Variants in IL1RAP observed in about 807,000 individuals in gnomAD.
The protein encoded by IL1RAP is interleukin-1 receptor accessory protein.
Under a neutral mutation model 60.7 loss-of-function variants are expected in IL1RAP, and 35 were observed. That is an observed-to-expected ratio of 0.58 (90% CI 0.44 to 0.76). The LOEUF (loss-of-function observed/expected upper bound fraction) is 0.76, where lower values mean the gene tolerates loss of function less well. IL1RAP is among the 30% of genes least tolerant of loss of function. The probability of loss-of-function intolerance (pLI) is 0.00; values close to 1 mark genes in which losing one functional copy is unlikely to be tolerated. For synonymous variants in IL1RAP, 268 were observed against 250.9 expected (o/e 1.07, Z -0.64); for missense variants, 572 against 693.9 (o/e 0.82, Z 1.97).
At chr3:190,620,550 T>C in intron 6 of IL1RAP, 110 bp downstream of exon 6, 1 of 987,876 alleles carries the variant, frequency 1.0e-6, no homozygotes, top group Non-Finnish European at 1.5e-6. Context: ...AAGTGATTCA[T>C]GTTTTTTGTT....
intron 3 of IL1RAP, among the ~76,000 whole-genome samples, chr3:190,571,807 T>G (rs1726952042): frequency 6.6e-6 from 1 of 152,156 alleles, no homozygotes; most frequent in Admixed American, 6.5e-5. Context: ...CAACACAAAT[T>G]TTGAAACTTT....
At chr3:190,514,285 T>C (rs1012585930) in intron 1 of IL1RAP, 66 bp downstream of exon 1, 3 of 152,088 alleles carry the variant, frequency 2.0e-5, no homozygotes, top group Non-Finnish European at 4.4e-5. Context: ...GTAGACGGAT[T>C]CTTAGAGATC....
At chr3:190,590,093 A>G (rs891879637) in intron 3 of IL1RAP, among the ~76,000 whole-genome samples, 4 of 152,186 alleles carry the variant, frequency 2.6e-5, no homozygotes, top group Non-Finnish European at 5.9e-5. Flanking sequence ...ATTCATATTA[A>G]GTTCTTACTG....
At chr3:190,656,227 C>A (rs548561781), downstream of IL1RAP, 3 of 1,537,208 alleles carry the variant, frequency 2.0e-6, no homozygotes, top group Non-Finnish European at 2.6e-6. Context: ...CTGCTCTTCC[C>A]AGTCTGACAT....
intron 9 of IL1RAP, among the ~76,000 whole-genome samples, chr3:190,640,240 G>A (rs773325262): frequency 9.2e-5 from 14 of 152,122 alleles, no homozygotes; most frequent in Admixed American, 4.6e-4. Flanking sequence ...CAGAGTGATC[G>A]TAGCATTTAC....
Position 190,644,326 on chromosome 3 carries a change from T to G in IL1RAP, c.1130T>G (p.Val377Gly). The G allele has an allele frequency of 6.2e-7, 1 of 1,614,068 alleles. No homozygotes were observed. Among genetic ancestry groups the G allele is most frequent in the Non-Finnish European group, 8.5e-7 (1 of 1,179,942 alleles). ...CTGCTAGTGGTGATTCTCATTGTTG[T>G]TTACCATGTTTACTGGCTAGAGATG... ...TVLLVVILIV[V>G]YHVYWLEMVL... The change falls in exon 10 of 12, where the codon GTT becomes GGT. Residue 377 changes from valine (V) to glycine (G), a missense_variant. Coordinates refer to ENST00000447382, the MANE Select transcript of IL1RAP (RefSeq NM_002182.4).
exon 12 of IL1RAP, chr3:190,656,988 G>T (rs543278733): frequency 1.9e-5 from 3 of 158,956 alleles, no homozygotes; most frequent in African/African-American, 7.2e-5. Flanking sequence ...TGCTTACAGG[G>T]TGTATGCATT....
rs1412103985 is a variant in IL1RAP at position 190,620,353 on chromosome 3, A to C, written c.616A>C (p.Asn206His). 18 of 1,611,296 alleles carry C rather than the reference A, an allele frequency of 1.1e-5. No homozygotes were observed. The highest frequency in any genetic ancestry group is 1.7e-4 in the Middle Eastern group (1 of 6,050). Residue 206 changes from asparagine to histidine, a missense_variant, in exon 6 of 12, where the codon AAT (asparagine) becomes CAT (histidine). Physicochemically the swap from Asn to His is moderately conservative, Grantham distance 68 (BLOSUM62 1). Coordinates refer to ENST00000447382, the MANE Select transcript of IL1RAP (RefSeq NM_002182.4). Reference protein sequence around the residue: ...NLSFLIALISNNGNYTCVVTY... With the variant: ...NLSFLIALISHNGNYTCVVTY... ...GAGTTTCCTCATTGCCTTAATTTCAAATAATGGAAATTACACATGTGTTGT... is the reference window on the plus strand; with the variant it reads ...GAGTTTCCTCATTGCCTTAATTTCACATAATGGAAATTACACATGTGTTGT...
At chr3:190,638,427 G>A (rs1391176797) in intron 9 of IL1RAP, among the ~76,000 whole-genome samples, 2 of 152,060 alleles carry the variant, frequency 1.3e-5, no homozygotes, top group African/African-American at 2.4e-5. Flanking sequence ...TGATGTGACT[G>A]TTCAAACATT....
At position 190,548,342 on chromosome 3, in the gene IL1RAP, T is replaced by C. The variant is rs150358628; in HGVS notation, c.-88-7788T>C. On this transcript the variant is annotated intron_variant, in intron 1 of 11. Transcript: ENST00000447382. Reference sequence around the variant, plus strand: ...TTTCACCATTTATTAAGCTTTATCATAAACATGATCTATTGTGATCCTTAT... The same window carrying C: ...TTTCACCATTTATTAAGCTTTATCACAAACATGATCTATTGTGATCCTTAT... Among the ~76,000 whole-genome samples, 331 of 152,320 alleles carry C rather than the reference T, an allele frequency of 2.2e-3. 1 individual carries two copies. Among genetic ancestry groups the C allele is most frequent in the African/African-American group, 7.5e-3 (313 of 41,578 alleles).
intron 3 of IL1RAP, among the ~76,000 whole-genome samples, chr3:190,595,085 C>G (rs922005111): frequency 1.3e-5 from 2 of 151,694 alleles, no homozygotes; most frequent in African/African-American, 2.4e-5. Context: ...TCACTCATCA[C>G]CTTTCAACAT....
intron 1 of IL1RAP, among the ~76,000 whole-genome samples, chr3:190,529,643 C>G (rs1443287556): frequency 6.9e-6 from 1 of 144,640 alleles, no homozygotes; most frequent in Non-Finnish European, 1.5e-5. Flanking sequence ...CGAGATCGCG[C>G]CACTGCACTC....
At chr3:190,609,320 T>C in intron 5 of IL1RAP, 139 bp downstream of exon 5, 30 of 564,898 alleles carry the variant, frequency 5.3e-5, no homozygotes, top group Admixed American at 1.9e-4. Context: ...ATGGAAGTAT[T>C]TCAGCACGTC....
intron 1 of IL1RAP, among the ~76,000 whole-genome samples, chr3:190,547,868 C>A (rs1376616671): frequency 6.6e-6 from 1 of 152,138 alleles, no homozygotes; most frequent in East Asian, 1.9e-4. Flanking sequence ...GGAGAGGGCT[C>A]GTCCTGCCCA....
chr3:190,625,004 T>C, intron 7 of IL1RAP: 1 of 160,338 alleles, frequency 6.2e-6, no homozygotes, highest in African/African-American at 2.4e-5. Context: ...CCTCGTGTGC[T>C]CGCGGTGCAT....
intron 1 of IL1RAP, among the ~76,000 whole-genome samples, chr3:190,532,685 G>A (rs748591806): frequency 6.6e-6 from 1 of 152,166 alleles, no homozygotes; most frequent in Non-Finnish European, 1.5e-5. Flanking sequence ...ATGAAACCCC[G>A]TGCTTTGCCT....
chr3:190,579,209 A>G (rs6444432), intron 3 of IL1RAP, among the ~76,000 whole-genome samples: 110,178 of 152,072 alleles, frequency 0.72, 41,212 homozygotes, highest in East Asian at 1. Flanking sequence ...TGTTAAATTA[A>G]TACTTCTTCC....
intron 10 of IL1RAP, 31 bp downstream of exon 10, chr3:190,644,428 TCTA>T: frequency 6.7e-7 from 1 of 1,491,098 alleles, no homozygotes; most frequent in Non-Finnish European, 9.4e-7. Flanking sequence ...ATAAACCTCT[TCTA>T]CTGTCATCTT....
At chr3:190,549,730 G>C (rs561125457) in intron 1 of IL1RAP, among the ~76,000 whole-genome samples, 5 of 152,234 alleles carry the variant, frequency 3.3e-5, no homozygotes, top group Non-Finnish European at 1.5e-5. Flanking sequence ...TAAGTCAACT[G>C]GTTTAAGGTT....
Sources: gnomAD v4.1 joint callset for allele counts (sites outside exome capture counted in the v4.1 genomes callset) on GRCh38, gnomAD v4.1.1 for gene constraint, MANE v1.5 for transcripts, NCBI Gene and HGNC (gene_info 2026-07-23, HGNC 2026-07-21) for gene names.